The following LATS1 variants were observed in gnomAD, a reference collection of about 807,000 sequenced individuals.
LATS1 encodes large tumor suppressor kinase 1.
A neutral mutation model predicts 106.6 loss-of-function variants in LATS1; 25 were observed. That is an observed-to-expected ratio of 0.23 (90% CI 0.17 to 0.33). The LOEUF (loss-of-function observed/expected upper bound fraction) is 0.33. Among genes scored for constraint, LATS1 ranks in the 10% least tolerant of loss-of-function variants. The pLI, the probability that LATS1 is intolerant of heterozygous loss-of-function variation, is 1.00. For synonymous variants in LATS1, 465 were observed against 455.6 expected, an observed-to-expected ratio of 1.02 and a Z score of -0.26; for missense variants, 1,040 against 1,382.6, an observed-to-expected ratio of 0.75 and a Z score of 3.93.
chr6:149,715,610 A>G (rs1272158169), intron 1 of LATS1, among the ~76,000 whole-genome samples: 1 of 152,172 alleles, frequency 6.6e-6, no homozygotes, highest in Non-Finnish European at 1.5e-5. Flanking sequence ...TTAATAAAAA[A>G]ATTGCTGCAA....
intron 3 of LATS1, among the ~76,000 whole-genome samples, chr6:149,687,095 A>ATTT (rs59469526): frequency 6.8e-6 from 1 of 147,276 alleles, no homozygotes; most frequent in African/African-American, 2.5e-5. Flanking sequence ...CAAGATTTTT[A>ATTT]TTTTTTTTTT....
At chr6:149,703,083 C>CTTGGG (rs1562352325) in intron 1 of LATS1, among the ~76,000 whole-genome samples, 1 of 151,964 alleles carries the variant, frequency 6.6e-6, no homozygotes, top group East Asian at 1.9e-4. Context: ...AAGTGATTCT[C>CTTGGG]ATGCCTCAGC....
chr6:149,691,213 T>C (rs1782730401), intron 3 of LATS1, among the ~76,000 whole-genome samples: 1 of 152,152 alleles, frequency 6.6e-6, no homozygotes, highest in Non-Finnish European at 1.5e-5. Flanking sequence ...CCTGTATCCC[T>C]GTAAGAGAAA....
At chr6:149,678,671 G>C (rs1210057294) in intron 5 of LATS1, among the ~76,000 whole-genome samples, 3 of 152,206 alleles carry the variant, frequency 2.0e-5, no homozygotes, top group African/African-American at 7.2e-5. Context: ...ACAAATGTTA[G>C]ATTGACTTAC....
At chr6:149,705,594 G>C (rs963949097) in intron 1 of LATS1, among the ~76,000 whole-genome samples, 1 of 149,928 alleles carries the variant, frequency 6.7e-6, no homozygotes, top group African/African-American at 2.5e-5. Context: ...CAGAGAGAGA[G>C]AGAGAAAAAA....
intron 2 of LATS1, among the ~76,000 whole-genome samples, chr6:149,698,234 G>C (rs898333239): frequency 7.8e-6 from 1 of 129,018 alleles, no homozygotes; most frequent in African/African-American, 3.1e-5. Context: ...CTTTGGAATG[G>C]GAGTCTTTTT....
chr6:149,697,626 T>C (rs998105642), intron 2 of LATS1, among the ~76,000 whole-genome samples: 1 of 152,188 alleles, frequency 6.6e-6, no homozygotes, highest in Admixed American at 6.5e-5. Flanking sequence ...ACTGGTTAAG[T>C]CAAGTGAACT....
rs760140416 is a variant in LATS1, at chr6:149,676,567, A to G, written c.2764T>C (p.Leu922=). The change falls in exon 6 of 8, where the codon TTG becomes CTG. Residue 922 remains leucine (L), a synonymous_variant. Transcript: ENST00000543571. ...AGAAGTGCTTTACCTGTTCGTAGCA[A>G]CACTTCAGGTGCAATATAATTGGGA... The part of the protein sequence containing the change: ...GTPNYIAPEV[L]LRTGYTQLCD... The G allele has an allele frequency of 6.2e-7, 1 of 1,613,800 alleles. No individual in the cohort carries two copies. The highest frequency in any genetic ancestry group is 1.1e-5 in the South Asian group (1 of 91,064).
At position 149,683,347 on chromosome 6, in the gene LATS1, T is replaced by G; in HGVS notation, c.1742A>C (p.Lys581Thr). Residue 581 changes from lysine to threonine, a missense_variant, in exon 4 of 8, where the codon AAA (lysine) becomes ACA (threonine). This residue lies in a region of LATS1 where 624 missense variants were observed against 714.8 expected (regional missense o/e 0.87). Transcript: ENST00000543571. ...CTTGGGCAAGCTTGGCTGATCCTCTTTGCTAGGCTTACTGATTGACTCGTA... is the reference window on the plus strand; with the variant it reads ...CTTGGGCAAGCTTGGCTGATCCTCTGTGCTAGGCTTACTGATTGACTCGTA... Reference protein sequence around the residue: ...PPYESISKPSKEDQPSLPKED... With the variant: ...PPYESISKPSTEDQPSLPKED... 2 of 1,614,222 alleles carry G rather than the reference T, an allele frequency of 1.2e-6. No individual in the cohort carries two copies. The highest frequency in any genetic ancestry group is 1.7e-6 in the Non-Finnish European group (2 of 1,180,040).
rs147411674 is a variant in LATS1, at chr6:149,701,476, C to T, written c.348+303G>A. ...CTTGTATTTCACACAAACAGATGTC[C>T]TTCCCCTACCCTCACCTATGGCTTT... On this transcript the variant is annotated intron_variant, in intron 2 of 7. Transcript: ENST00000543571. Among the ~76,000 whole-genome samples, 231 of 152,322 alleles carry T rather than the reference C, an allele frequency of 1.5e-3. 1 individual carries two copies. The highest frequency in any genetic ancestry group is 5.2e-3 in the African/African-American group (217 of 41,570).
chr6:149,711,559 ATTTTT>A (rs796835014), intron 1 of LATS1, among the ~76,000 whole-genome samples: 1 of 151,388 alleles, frequency 6.6e-6, no homozygotes, highest in African/African-American at 2.4e-5. Context: ...ACAAAATGAA[ATTTTT>A]TTTTCTTAAA....
At chr6:149,717,242 G>A (rs1425288586) in intron 1 of LATS1, among the ~76,000 whole-genome samples, 1 of 152,174 alleles carries the variant, frequency 6.6e-6, no homozygotes, top group Non-Finnish European at 1.5e-5. Flanking sequence ...GGCATTCATT[G>A]AGCTACAAGC....
chr6:149,714,235 G>A (rs1490469685), intron 1 of LATS1, among the ~76,000 whole-genome samples: 1 of 152,198 alleles, frequency 6.6e-6, no homozygotes, highest in Middle Eastern at 3.4e-3. Flanking sequence ...GCCTCCCAAA[G>A]TGCTGGGATT....
rs1210144345 is a variant in LATS1 at position 149,683,463 on chromosome 6, C to T, written c.1626G>A (p.Val542=). 1.2e-6 allele frequency: 2 copies of T among 1,614,168 alleles called. No individual in the cohort carries two copies. Among genetic ancestry groups the T allele is most frequent in the Non-Finnish European group, 1.7e-6 (2 of 1,180,046 alleles). ...TTGGAGCTTCAGCAACAGGTGGCAT[C>T]ACAGTCACATTTGAAGCGGTTCCCT... The part of the protein sequence containing the change: ...FPEGTASNVT[V]MPPVAEAPNY... Residue 542 remains valine, a synonymous_variant, in exon 4 of 8, where the codon GTG becomes GTA. Transcript: ENST00000543571.
chr6:149,683,519 T>C lies in LATS1; in HGVS notation c.1570A>G (p.Ile524Val), dbSNP rs1292616862. 20 of 1,614,126 alleles carry C rather than the reference T, an allele frequency of 1.2e-5. No homozygotes were observed. The highest frequency in any genetic ancestry group is 2.2e-5 in the East Asian group (1 of 44,904). The change falls in exon 4 of 8, where the codon ATT becomes GTT. Residue 524 changes from isoleucine (I) to valine (V), a missense_variant. This residue lies in a region of LATS1 where 624 missense variants were observed against 714.8 expected (regional missense o/e 0.87). Transcript: ENST00000543571. ...PTHPSWIPQP[I>V]QTVQPSPFPE... The stretch of plus-strand genomic sequence containing the variant: ...AAAGGACTGGGTTGAACAGTTTGAA[T>C]TGGCTGTGGTATCCAAGAAGGGTGT...
chr6:149,661,061 T>G lies in LATS1; in HGVS notation c.*668A>C. On this transcript the variant is annotated 3_prime_UTR_variant, in exon 8 of 8. Transcript: ENST00000543571. ...GGCTTCTTTTAAAGCCAGTAATTCT[T>G]GAGAAATAAATGCAAGAAGATTAAA... The G allele has an allele frequency of 6.0e-6, 1 of 166,592 alleles. No homozygotes were observed. The highest frequency in any genetic ancestry group is 9.9e-5 in the East Asian group (1 of 10,150). 10.3% of individuals were successfully genotyped at this position (166,592 alleles called of 1,614,324 possible).
At chr6:149,713,299 C>CTT (rs879912031) in intron 1 of LATS1, among the ~76,000 whole-genome samples, 1 of 145,102 alleles carries the variant, frequency 6.9e-6, no homozygotes. Flanking sequence ...GTATTATTTT[C>CTT]TTTTTTTTTT....
intron 3 of LATS1, among the ~76,000 whole-genome samples, chr6:149,690,675 TAGG>T: frequency 6.6e-6 from 1 of 151,856 alleles, no homozygotes; most frequent in Non-Finnish European, 1.5e-5. Flanking sequence ...GCCTCCTGAG[TAGG>T]TGGGACTACA....
chr6:149,684,064 G>A lies in LATS1; in HGVS notation c.1025C>T (p.Ser342Leu). 4 of 1,614,168 alleles carry A rather than the reference G, an allele frequency of 2.5e-6. No homozygotes were observed. Among genetic ancestry groups the A allele is most frequent in the Non-Finnish European group, 3.4e-6 (4 of 1,180,030 alleles). The change falls in exon 4 of 8, where the codon TCA becomes TTA. Residue 342 changes from serine (S) to leucine (L), a missense_variant. By Grantham distance (145) the Ser-to-Leu change is moderately radical. Transcript: ENST00000543571. ...ACCATTCTGCATTCCAGGTCTCCCT[G>A]ATGGAAAGTTAAATTTGCTAGAACT... Reference protein sequence around the residue: ...MQSSSKFNFPSGRPGMQNGTG... With the variant: ...MQSSSKFNFPLGRPGMQNGTG...
Sources: allele counts gnomAD v4.1 joint callset (sites outside exome capture counted in the v4.1 genomes callset), GRCh38; gene constraint gnomAD v4.1.1; regional missense constraint gnomAD v4.1.1; transcripts MANE v1.5; gene names NCBI Gene and HGNC (gene_info 2026-07-23, HGNC 2026-07-21).